ZNF253: variants seen among roughly 807,000 people sequenced by gnomAD.
ZNF253 encodes DNA-binding protein.
A neutral mutation model predicts 11.9 loss-of-function variants in ZNF253; 8 were observed. The observed-to-expected ratio is 0.67, with a 90% CI of 0.40 to 1.22. The LOEUF (loss-of-function observed/expected upper bound fraction) is 1.22, where lower values mean the gene tolerates loss of function less well. Among genes scored for constraint, ZNF253 ranks in the 50% most tolerant of loss-of-function variants. ZNF253 has a pLI of 0.01. For synonymous variants in ZNF253, 194 were observed against 194.9 expected (o/e 1.00, Z 0.04); for missense variants, 485 against 586.9 (o/e 0.83, Z 1.79).
At chr19:19,887,390 G>A (rs778273601) in intron 3 of ZNF253, among the ~76,000 whole-genome samples, 15 of 151,792 alleles carry the variant, frequency 9.9e-5, no homozygotes, top group African/African-American at 4.8e-5. Context: ...TATGCTTCCC[G>A]GGTTCAAGCA....
chr19:19,866,534 T>C (rs1328661313), intron 1 of ZNF253, among the ~76,000 whole-genome samples: 1 of 151,266 alleles, frequency 6.6e-6, no homozygotes, highest in African/African-American at 2.4e-5. Context: ...GTTTTGCTCT[T>C]GTGGCCCAGG....
At chr19:19,888,991 T>A (rs1217723846) in intron 3 of ZNF253, among the ~76,000 whole-genome samples, 1 of 151,942 alleles carries the variant, frequency 6.6e-6, no homozygotes, top group Non-Finnish European at 1.5e-5. Context: ...TCTGCAAAAA[T>A]TTTTTTTGAT....
chr19:19,889,232 GT>G (rs1250387823), intron 3 of ZNF253, among the ~76,000 whole-genome samples: 1 of 149,880 alleles, frequency 6.7e-6, no homozygotes, highest in Non-Finnish European at 1.5e-5. Context: ...CATAATTTTT[GT>G]TTTTTTCTAT....
intron 3 of ZNF253, among the ~76,000 whole-genome samples, chr19:19,884,057 CA>C (rs751875742): frequency 0.13 from 8,649 of 66,482 alleles, 491 homozygotes; most frequent in African/African-American, 0.29. Flanking sequence ...AACTCCATCT[CA>C]AAAAAAAAAA....
At position 19,892,666 on chromosome 19, in the gene ZNF253, T is replaced by C. The variant is rs1199502973; in HGVS notation, c.1419T>C (p.Ile473=). The C allele has an allele frequency of 2.5e-6, 4 of 1,612,680 alleles. No individual in the cohort carries two copies. Among genetic ancestry groups the C allele is most frequent in the Non-Finnish European group, 3.4e-6 (4 of 1,179,678 alleles). Residue 473 remains isoleucine, a synonymous_variant, in exon 4 of 4, where the codon ATT becomes ATC. Transcript: ENST00000589717. Reference sequence around the variant, plus strand: ...CAGACCTTAATAAACATAAGAAAATTCATATTGAACGAAAACCCTACATAG... The same window carrying C: ...CAGACCTTAATAAACATAAGAAAATCCATATTGAACGAAAACCCTACATAG... ...WSSDLNKHKK[I]HIERKPYIVK...
intron 1 of ZNF253, chr19:19,870,980 G>T (rs935836339): frequency 1.3e-5 from 2 of 152,032 alleles, no homozygotes; most frequent in African/African-American, 4.8e-5. Flanking sequence ...TTTTTTAAAA[G>T]ATCTTTTTTA....
intron 2 of ZNF253, among the ~76,000 whole-genome samples, chr19:19,878,847 CTGTT>C (rs1231871720): frequency 6.6e-6 from 1 of 152,074 alleles, no homozygotes; most frequent in Non-Finnish European, 1.5e-5. Context: ...TATAATTACA[CTGTT>C]TGTACTACAA....
chr19:19,892,439 T>C lies in ZNF253; in HGVS notation c.1192T>C (p.Cys398Arg), dbSNP rs1031642989. Reference protein sequence around the residue: ...KIHTGEKPYKCDECGKTFTWP... With the variant: ...KIHTGEKPYKRDECGKTFTWP... ...TCATACTGGAGAGAAACCCTACAAATGTGATGAATGTGGCAAAACCTTTAC... is the reference window on the plus strand; with the variant it reads ...TCATACTGGAGAGAAACCCTACAAACGTGATGAATGTGGCAAAACCTTTAC... Residue 398 changes from cysteine to arginine, a missense_variant, in exon 4 of 4, where the codon TGT (cysteine) becomes CGT (arginine). Transcript: ENST00000589717. 1 of 1,613,830 alleles carries C rather than the reference T, an allele frequency of 6.2e-7. No homozygotes were observed. The highest frequency in any genetic ancestry group is 1.3e-5 in the African/African-American group (1 of 74,852).
intron 3 of ZNF253, among the ~76,000 whole-genome samples, chr19:19,886,217 T>G (rs2122132557): frequency 6.6e-6 from 1 of 152,310 alleles, no homozygotes; most frequent in South Asian, 2.1e-4. Context: ...GGTTTCAAAC[T>G]TTTGGCCCCA....
Position 19,892,592 on chromosome 19 carries a change from G to T in ZNF253, c.1345G>T (p.Glu449Ter). The change falls in exon 4 of 4, where the codon GAG becomes TAG. Residue 449 changes from glutamate (E) to a stop codon, truncating the protein, a stop_gained. Transcript: ENST00000589717. LOFTEE classifies it low-confidence loss of function (END_TRUNC). Reference protein sequence around the residue: ...LTTHKRIHTGEKPYKCEECGK... With the variant: ...LTTHKRIHTG The stretch of plus-strand genomic sequence containing the variant: ...TACACATAAGAGAATTCATACTGGA[G>T]AGAAACCTTACAAATGTGAAGAATG... The T allele has an allele frequency of 6.2e-7, 1 of 1,613,994 alleles. No homozygotes were observed. Among genetic ancestry groups the T allele is most frequent in the Non-Finnish European group, 8.5e-7 (1 of 1,179,950 alleles).
intron 3 of ZNF253, among the ~76,000 whole-genome samples, chr19:19,880,637 G>A (rs1311465527): frequency 6.6e-6 from 1 of 151,886 alleles, no homozygotes; most frequent in African/African-American, 2.4e-5. Flanking sequence ...CCTAGGAGGT[G>A]GAGGTTGCAG....
chr19:19,868,171 T>A (rs954005000), intron 1 of ZNF253, among the ~76,000 whole-genome samples: 1 of 152,104 alleles, frequency 6.6e-6, no homozygotes, highest in Admixed American at 6.5e-5. Flanking sequence ...ATAGTTTCCT[T>A]TGCTGTGAAG....
chr19:19,881,692 T>A (rs546783716), intron 3 of ZNF253, among the ~76,000 whole-genome samples: 1 of 152,006 alleles, frequency 6.6e-6, no homozygotes, highest in South Asian at 2.1e-4. Context: ...CATATACTTA[T>A]GTATGTTAAT....
intron 3 of ZNF253, among the ~76,000 whole-genome samples, chr19:19,883,692 C>T (rs573702747): frequency 6.6e-6 from 1 of 152,300 alleles, no homozygotes; most frequent in African/African-American, 2.4e-5. Context: ...AACAACTGCT[C>T]ATTTTACCCT....
At chr19:19,881,987 G>C (rs2063179850) in intron 3 of ZNF253, among the ~76,000 whole-genome samples, 1 of 151,970 alleles carries the variant, frequency 6.6e-6, no homozygotes, top group Non-Finnish European at 1.5e-5. Flanking sequence ...TCAGGAGTTC[G>C]AGACAAGCCT....
chr19:19,883,171 A>C (rs114760449), intron 3 of ZNF253, among the ~76,000 whole-genome samples: 2 of 152,264 alleles, frequency 1.3e-5, no homozygotes, highest in South Asian at 4.1e-4. Context: ...TGATGAATAT[A>C]TATTTCCTTT....
At chr19:19,890,403 G>A (rs1017864869) in intron 3 of ZNF253, among the ~76,000 whole-genome samples, 1 of 151,944 alleles carries the variant, frequency 6.6e-6, no homozygotes, top group Admixed American at 6.6e-5. Context: ...ACATTAGCCG[G>A]TGTCTAAAAA....
Position 19,894,405 on chromosome 19 carries a change from C to A in ZNF253, c.*1658C>A, listed in dbSNP as rs1024730367. On this transcript the variant is annotated 3_prime_UTR_variant, in exon 4 of 4. Coordinates refer to ENST00000589717, the MANE Select transcript of ZNF253 (RefSeq NM_021047.3). ...TTTATTAGTTGGGCATTATGTATGA[C>A]CTTTTCTATAAAAGAGTAAGGACAT... 1 of 152,078 alleles carries A rather than the reference C, an allele frequency of 6.6e-6. No individual in the cohort carries two copies. The highest frequency in any genetic ancestry group is 2.4e-5 in the African/African-American group (1 of 41,386). The allele number at this position is 152,078 out of a possible 1,614,324, so 9.4% of individuals were successfully genotyped here. A position where few individuals can be genotyped will look rare whatever the true frequency, so the allele number is the denominator to read the frequency against.
chr19:19,878,445 C>G, intron 1 of ZNF253, 36 bp from the exon 2 acceptor site: 1 of 1,612,304 alleles, frequency 6.2e-7, no homozygotes, highest in Non-Finnish European at 8.5e-7. Context: ...TCCTCTCATG[C>G]CATTTAGTAA....
Sources: gnomAD v4.1 joint callset for allele counts (sites outside exome capture counted in the v4.1 genomes callset) on GRCh38, gnomAD v4.1.1 for gene constraint, MANE v1.5 for transcripts, NCBI Gene and HGNC (gene_info 2026-07-23, HGNC 2026-07-21) for gene names.